The following PPP1R12C variants were observed in gnomAD, a reference collection of about 807,000 sequenced individuals.
PPP1R12C encodes protein phosphatase 1 regulatory subunit 12C, also known as leukocyte receptor cluster (LRC) encoded novel gene 3.
A neutral mutation model predicts 95.6 loss-of-function variants in PPP1R12C; 48 were observed. The observed-to-expected ratio is 0.50, with a 90% confidence interval of 0.40 to 0.64. The LOEUF (loss-of-function observed/expected upper bound fraction) is 0.64. PPP1R12C is among the 30% of genes least tolerant of loss of function. The probability of loss-of-function intolerance (pLI) is 0.00; values close to 1 mark genes in which losing one functional copy is unlikely to be tolerated. For synonymous variants in PPP1R12C, 480 were observed against 460.8 expected, an observed-to-expected ratio of 1.04 and a Z score of -0.53; for missense variants, 1,057 against 1,083.3, an observed-to-expected ratio of 0.98 and a Z score of 0.34.
rs1015503205 is a variant in PPP1R12C, at chr19:55,109,640, G to A, written c.571+2827C>T. ...GAAGGGGATGGTCGTGCCTGAGGCC[G>A]GTCTGTCTTCTCTCCCAGCCCTGCC... On this transcript the variant is annotated intron_variant, in intron 3 of 21. Coordinates refer to ENST00000263433, the MANE Select transcript of PPP1R12C (RefSeq NM_017607.4). This position sits in a 1 kb window ranked among gnomAD's most constrained non-coding sequence, Gnocchi z 4.4. Among the ~76,000 whole-genome samples, 2 of 152,244 alleles carry A rather than the reference G, an allele frequency of 1.3e-5. No homozygotes were observed. Among genetic ancestry groups the A allele is most frequent in the Non-Finnish European group, 2.9e-5 (2 of 68,038 alleles).
intron 19 of PPP1R12C, 151 bp downstream of exon 19, chr19:55,092,071 C>T (rs868368086): frequency 4.9e-5 from 53 of 1,092,444 alleles, no homozygotes; most frequent in African/African-American, 4.4e-4. Flanking sequence ...CCCATCCCCT[C>T]GCTCAGACTC....
chr19:55,096,550 T>A lies in PPP1R12C; in HGVS notation c.952-215A>T, dbSNP rs569595243. Among the ~76,000 whole-genome samples, 3 of 152,138 alleles carry A rather than the reference T, an allele frequency of 2.0e-5. No homozygotes were observed. In the South Asian group the frequency reaches 6.2e-4, roughly 32 times the overall value. ...GCTGCCACGTGCAGGCACTGCCGTC[T>A]TGTCCTCACGGCCCCCACCCATGAG... On this transcript the variant is annotated intron_variant, in intron 6 of 21. Transcript: ENST00000263433.
chr19:55,092,464 T>C lies in PPP1R12C; in HGVS notation c.2033A>G (p.Glu678Gly). 2 of 1,609,436 alleles carry C rather than the reference T, an allele frequency of 1.2e-6. No homozygotes were observed. Among genetic ancestry groups the C allele is most frequent in the South Asian group, 1.1e-5 (1 of 90,488 alleles). Residue 678 changes from glutamate to glycine, a missense_variant, in exon 18 of 22, where the codon GAG (glutamate) becomes GGG (glycine). Physicochemically the swap from Glu to Gly is moderately conservative, Grantham distance 98. Around this residue, in one of 5 missense-constraint regions of PPP1R12C, gnomAD observed 347 missense variants for 307.9 expected, o/e 1.13. Transcript: ENST00000263433. ...CACCGTCCTAAAGCCTCCGTCTGGC[T>C]CTTCCGATTCTGGCTCAGGTTCTGG... is the stretch of plus-strand genomic sequence containing the variant. ...LNPEPEPESE[E>G]PDGGFRTLYA...
Position 55,117,422 on chromosome 19 carries a change from T to C in PPP1R12C, c.122A>G (p.Glu41Gly), listed in dbSNP as rs761580796. Residue 41 changes from glutamate (E) to glycine (G), a missense_variant, in exon 1 of 22, where the codon GAG becomes GGG. Glu to Gly is a moderately conservative substitution (Grantham distance 98). Transcript: ENST00000263433. ...GAAGCGGACGGTGCGGGCGCGGCGCTCTCCGGGGCCAGGCTCGGCGCCCGC... is the reference window on the plus strand; with the variant it reads ...GAAGCGGACGGTGCGGGCGCGGCGCCCTCCGGGGCCAGGCTCGGCGCCCGC... Reference protein sequence around the residue: ...ARAGAEPGPGERRARTVRFER... With the variant: ...ARAGAEPGPGGRRARTVRFER... 2.4e-4 allele frequency: 245 copies of C among 1,009,628 alleles called. No individual in the cohort carries two copies. The East Asian group carries it at 4.0e-3, about 16-fold the overall frequency. 62.5% of individuals were successfully genotyped at this position (1,009,628 alleles called of 1,614,324 possible). A position where few individuals can be genotyped will look rare whatever the true frequency, so the allele number is the denominator to read the frequency against.
At position 55,092,603 on chromosome 19, in the gene PPP1R12C, T is replaced by G; in HGVS notation, c.1952+19A>C. On this transcript the variant is annotated intron_variant, in intron 17 of 21. Transcript: ENST00000263433. ...GCCCGGCCCGCACGCAGACCCCACC[T>G]CTCCCACCCCGCCCCTACCTGGACT... is the stretch of plus-strand genomic sequence containing the variant. The G allele has an allele frequency of 7.7e-7, 1 of 1,301,532 alleles. No individual in the cohort carries two copies. 80.6% of individuals were successfully genotyped at this position (1,301,532 alleles called of 1,614,324 possible).
intron 3 of PPP1R12C, among the ~76,000 whole-genome samples, chr19:55,105,149 TC>T (rs2085024221): frequency 6.6e-6 from 1 of 151,280 alleles, no homozygotes; most frequent in Non-Finnish European, 1.5e-5. Flanking sequence ...CACTGAAGCC[TC>T]AAATTCCCAG....
intron 4 of PPP1R12C, among the ~76,000 whole-genome samples, chr19:55,100,903 C>T (rs543795928): frequency 2.6e-5 from 4 of 152,276 alleles, no homozygotes; most frequent in African/African-American, 4.8e-5. Context: ...TGATCCACCA[C>T]GCCCAGCCTG....
chr19:55,091,996 G>T, intron 19 of PPP1R12C, 87 bp from the exon 20 acceptor site: 2 of 1,499,522 alleles, frequency 1.3e-6, no homozygotes, highest in Non-Finnish European at 1.8e-6. Flanking sequence ...GCACCCGCCC[G>T]CCCACTAGGC....
chr19:55,117,220 G>A lies in PPP1R12C; in HGVS notation c.321+3C>T. 1 of 1,224,662 alleles carries A rather than the reference G, an allele frequency of 8.2e-7. No individual in the cohort carries two copies. The highest frequency in any genetic ancestry group is 3.2e-5 in the East Asian group (1 of 30,984). The allele number at this position is 1,224,662 out of a possible 1,614,324, so 75.9% of individuals were successfully genotyped here. A position where few individuals can be genotyped will look rare whatever the true frequency, so the allele number is the denominator to read the frequency against. Reference sequence around the variant, plus strand: ...CGGGAGACGCCGGGCGGGGGGCGCTGACCTGGTGCAGGGCGCTGATACCGT... The same window carrying A: ...CGGGAGACGCCGGGCGGGGGGCGCTAACCTGGTGCAGGGCGCTGATACCGT... On this transcript the variant is annotated splice_donor_region_variant and intron_variant, in intron 1 of 21. Transcript: ENST00000263433.
intron 4 of PPP1R12C, among the ~76,000 whole-genome samples, chr19:55,100,494 T>C (rs1016248299): frequency 2.6e-5 from 4 of 152,238 alleles, no homozygotes; most frequent in Non-Finnish European, 5.9e-5. Context: ...TGTTTACCCA[T>C]TTCCCTGGCA....
intron 6 of PPP1R12C, among the ~76,000 whole-genome samples, 172 bp downstream of exon 6, chr19:55,098,612 G>A (rs746889212): frequency 3.3e-5 from 5 of 152,232 alleles, no homozygotes; most frequent in Non-Finnish European, 7.3e-5. Flanking sequence ...GTCCTGCCCC[G>A]GCTGGGGGTC....
intron 1 of PPP1R12C, 38 bp from the exon 2 acceptor site, chr19:55,112,833 A>T: frequency 6.2e-7 from 1 of 1,607,318 alleles, no homozygotes; most frequent in African/African-American, 1.3e-5. Context: ...CACCTACCCC[A>T]GCCACGGTGT....
chr19:55,111,158 GT>G (rs569223980), intron 3 of PPP1R12C, among the ~76,000 whole-genome samples: 69 of 118,650 alleles, frequency 5.8e-4, no homozygotes, highest in African/African-American at 1.6e-3. Flanking sequence ...GGAGGGGGGG[GT>G]GCATGGTTGG....
intron 6 of PPP1R12C, among the ~76,000 whole-genome samples, chr19:55,098,454 G>A (rs1272032299): frequency 6.6e-6 from 1 of 152,242 alleles, no homozygotes; most frequent in Admixed American, 6.5e-5. Context: ...CCTGAGTCTA[G>A]GACAATCCTG....
intron 1 of PPP1R12C, chr19:55,113,762 G>A (rs1011416869): frequency 3.3e-5 from 12 of 368,536 alleles, no homozygotes; most frequent in Non-Finnish European, 5.1e-5. Context: ...GGGGCCGCAC[G>A]TGCCCTGGGA....
chr19:55,095,350 C>A lies in PPP1R12C; in HGVS notation c.1395G>T (p.Glu465Asp). The A allele has an allele frequency of 6.3e-7, 1 of 1,591,366 alleles. No homozygotes were observed. The highest frequency in any genetic ancestry group is 8.6e-7 in the Non-Finnish European group (1 of 1,169,118). Residue 465 changes from glutamate to aspartate, a missense_variant, in exon 11 of 22, where the codon GAG becomes GAT. By Grantham distance (45) the Glu-to-Asp change is conservative. Coordinates refer to ENST00000263433, the MANE Select transcript of PPP1R12C (RefSeq NM_017607.4). The stretch of plus-strand genomic sequence containing the variant: ...TCGGGGTAATTCTGGCAAGACGGAG[C>A]TCCTTGGCCTGTGTGGAGAGGAGAA... ...WLEGTSTQAK[E>D]LRLARITPTP...
At position 55,117,271 on chromosome 19, in the gene PPP1R12C, G is replaced by A; in HGVS notation, c.273C>T (p.Arg91=). ...ELDPAAPPPA[R]AVLDSTNADG... is the part of the protein sequence containing the mutation. The stretch of plus-strand genomic sequence containing the variant: ...CGGCGTTGGTGGAGTCCAGCACGGC[G>A]CGGGCGGGCGGCGGCGCGGCGGGGT... Residue 91 remains arginine (R), a synonymous_variant, in exon 1 of 22, where the codon CGC becomes CGT. Coordinates refer to ENST00000263433, the MANE Select transcript of PPP1R12C (RefSeq NM_017607.4). 4.9e-6 allele frequency: 6 copies of A among 1,224,240 alleles called. No homozygotes were observed. The highest frequency in any genetic ancestry group is 6.1e-6 in the Non-Finnish European group (6 of 984,220). The allele number at this position is 1,224,240 out of a possible 1,614,324, so 75.8% of individuals were successfully genotyped here.
Position 55,117,263 on chromosome 19 carries a change from A to C in PPP1R12C, c.281T>G (p.Leu94Arg). The change falls in exon 1 of 22, where the codon CTG (leucine) becomes CGG (arginine). Residue 94 changes from leucine (L) to arginine (R), a missense_variant. By Grantham distance (102) the Leu-to-Arg change is moderately radical. Coordinates refer to ENST00000263433, the MANE Select transcript of PPP1R12C (RefSeq NM_017607.4). ...GATACCGTCGGCGTTGGTGGAGTCC[A>C]GCACGGCGCGGGCGGGCGGCGGCGC... ...PAAPPPARAV[L>R]DSTNADGISA... 8.1e-7 allele frequency: 1 copy of C among 1,227,132 alleles called. No individual in the cohort carries two copies. The highest frequency in any genetic ancestry group is 1.0e-6 in the Non-Finnish European group (1 of 986,236). The allele number at this position is 1,227,132 out of a possible 1,614,324, so 76.0% of individuals were successfully genotyped here. A position where few individuals can be genotyped will look rare whatever the true frequency, so the allele number is the denominator to read the frequency against.
chr19:55,113,876 C>T lies in PPP1R12C; in HGVS notation c.322-1081G>A, dbSNP rs114115259. On this transcript the variant is annotated intron_variant, in intron 1 of 21. Transcript: ENST00000263433. ...TTCCCTTTCAAGGACCTGCCCAGTACAGGCATCCCTGTGAAAGATGCCTGA... is the reference window on the plus strand; with the variant it reads ...TTCCCTTTCAAGGACCTGCCCAGTATAGGCATCCCTGTGAAAGATGCCTGA... The T allele has an allele frequency of 2.2e-3, 384 of 173,184 alleles. 3 individuals carry two copies. Among genetic ancestry groups the T allele is most frequent in the African/African-American group, 8.8e-3 (372 of 42,272 alleles). The allele number at this position is 173,184 out of a possible 1,614,324, so 10.7% of individuals were successfully genotyped here.
Sources: gnomAD v4.1 joint callset for allele counts (sites outside exome capture counted in the v4.1 genomes callset) on GRCh38, gnomAD v4.1.1 for gene constraint, gnomAD v4.1.1 regional missense constraint, Gnocchi (gnomAD v3.1) non-coding constraint, MANE v1.5 for transcripts, NCBI Gene and HGNC (gene_info 2026-07-23, HGNC 2026-07-21) for gene names.